Variants in LRRIQ3 observed in about 807,000 individuals in gnomAD.
LRRIQ3 encodes the protein leucine rich repeats and IQ motif containing 3.
In LRRIQ3, 75 loss-of-function variants were observed where a neutral mutation model predicts 59.3. That is an observed-to-expected ratio of 1.26 (90% CI 1.05 to 1.53). The LOEUF is 1.53. Among genes scored for constraint, LRRIQ3 ranks in the 40% most tolerant of loss-of-function variants. LRRIQ3 has a pLI of 0.00. For synonymous variants in LRRIQ3, 250 were observed against 231.3 expected (o/e 1.08, Z -0.73); for missense variants, 831 against 710.0 (o/e 1.17, Z -1.94).
chr1:74,058,014 T>C (rs559806831), intron 6 of LRRIQ3, among the ~76,000 whole-genome samples: 4 of 151,506 alleles, frequency 2.6e-5, no homozygotes, highest in African/African-American at 9.7e-5. Flanking sequence ...ATCAAAACAG[T>C]GAGATATTGC....
intron 4 of LRRIQ3, among the ~76,000 whole-genome samples, chr1:74,132,657 C>A (rs1396826170): frequency 1.3e-5 from 2 of 152,034 alleles, no homozygotes; most frequent in Non-Finnish European, 2.9e-5. Context: ...AACTGGCTAG[C>A]CATATGTAGA....
intron 4 of LRRIQ3, among the ~76,000 whole-genome samples, chr1:74,125,133 AATTTCTTGATTT>A (rs1646917128): frequency 6.6e-6 from 1 of 151,678 alleles, no homozygotes; most frequent in African/African-American, 2.4e-5. Context: ...TAATGGGATT[AATTTCTTGATTT>A]ATTTTTCAGA....
intron 6 of LRRIQ3, among the ~76,000 whole-genome samples, chr1:74,050,110 G>A (rs1365009791): frequency 6.6e-6 from 1 of 151,892 alleles, no homozygotes; most frequent in Non-Finnish European, 1.5e-5. Flanking sequence ...TTTTAGTAGA[G>A]ATGGGGTTTC....
chr1:74,079,085 T>C (rs973398735), intron 5 of LRRIQ3, among the ~76,000 whole-genome samples: 6 of 151,824 alleles, frequency 4.0e-5, no homozygotes, highest in African/African-American at 1.4e-4. Context: ...AAATGCCTCT[T>C]ATTGGACTCT....
chr1:74,075,945 A>G (rs1288781660), intron 5 of LRRIQ3, among the ~76,000 whole-genome samples: 1 of 152,142 alleles, frequency 6.6e-6, no homozygotes, highest in Non-Finnish European at 1.5e-5. Context: ...TATCTTAAGG[A>G]GCTTTTCCAG....
chr1:74,090,617 G>A (rs1405052287), intron 5 of LRRIQ3, among the ~76,000 whole-genome samples: 1 of 152,056 alleles, frequency 6.6e-6, no homozygotes. Context: ...GCCAGGCATG[G>A]TGGCTCACAT....
intron 3 of LRRIQ3, among the ~76,000 whole-genome samples, chr1:74,167,895 G>T (rs1649087719): frequency 6.6e-6 from 1 of 151,966 alleles, no homozygotes; most frequent in South Asian, 2.1e-4. Context: ...AGTGTTTGGA[G>T]ATTTTCCTCT....
chr1:74,098,399 T>C (rs905450635), intron 5 of LRRIQ3, among the ~76,000 whole-genome samples: 2 of 152,132 alleles, frequency 1.3e-5, no homozygotes, highest in African/African-American at 4.8e-5. Flanking sequence ...CCCAGATTCA[T>C]AAAGCAAGTC....
intron 3 of LRRIQ3, among the ~76,000 whole-genome samples, chr1:74,173,903 C>T (rs548107973): frequency 6.6e-6 from 1 of 151,884 alleles, no homozygotes; most frequent in Admixed American, 6.6e-5. Flanking sequence ...TTGGTTGTCA[C>T]GTTTTGGGTT....
chr1:74,027,570 C>G (rs145691147), intron 7 of LRRIQ3, among the ~76,000 whole-genome samples: 4 of 152,056 alleles, frequency 2.6e-5, no homozygotes, highest in Admixed American at 6.6e-5. Context: ...CCTGCTGACA[C>G]TTTGTTCTTG....
At chr1:74,184,219 G>C (rs1650207651) in intron 1 of LRRIQ3, among the ~76,000 whole-genome samples, 1 of 152,028 alleles carries the variant, frequency 6.6e-6, no homozygotes, top group Admixed American at 6.6e-5. Context: ...AAAATTTGTT[G>C]TCAAAATATT....
At chr1:74,188,382 T>C (rs1381985917) in intron 1 of LRRIQ3, among the ~76,000 whole-genome samples, 1 of 152,132 alleles carries the variant, frequency 6.6e-6, no homozygotes, top group Non-Finnish European at 1.5e-5. Flanking sequence ...AGATTACCTA[T>C]GTATCAAACC....
chr1:74,081,026 G>C (rs150554319), intron 5 of LRRIQ3, among the ~76,000 whole-genome samples: 15 of 151,570 alleles, frequency 9.9e-5, no homozygotes, highest in African/African-American at 3.4e-4. Context: ...ACTCTAAAAA[G>C]TTACTTAAAA....
intron 7 of LRRIQ3, among the ~76,000 whole-genome samples, chr1:74,028,779 A>C (rs563133279): frequency 6.6e-6 from 1 of 152,128 alleles, no homozygotes; most frequent in Admixed American, 6.6e-5. Context: ...ATAAACTAAC[A>C]CATTTAAAAT....
chr1:74,041,285 C>A lies in LRRIQ3; in HGVS notation c.1646G>T (p.Ser549Ile). ...TTTTAGTTTTTGCTTAACAATCAGG[C>A]TTTTCTCTTTTAGGACAGCCTCATT... ...EKNEAVLKEK[S>I]LIVKQKLKAE... Residue 549 changes from serine (S) to isoleucine (I), a missense_variant, in exon 7 of 8, where the codon AGC becomes ATC. Ser to Ile is a moderately radical substitution (Grantham distance 142). Transcript: ENST00000354431. The A allele has an allele frequency of 6.2e-7, 1 of 1,608,526 alleles. No individual in the cohort carries two copies. The highest frequency in any genetic ancestry group is 8.5e-7 in the Non-Finnish European group (1 of 1,178,684).
chr1:74,055,698 T>C (rs368073166), intron 6 of LRRIQ3, among the ~76,000 whole-genome samples: 9 of 152,164 alleles, frequency 5.9e-5, no homozygotes, highest in African/African-American at 2.2e-4. Flanking sequence ...TGTGGACATA[T>C]GTTTATGATT....
chr1:74,073,068 T>C (rs1265014810), intron 6 of LRRIQ3, among the ~76,000 whole-genome samples: 1 of 152,128 alleles, frequency 6.6e-6, no homozygotes, highest in Non-Finnish European at 1.5e-5. Context: ...AAGTGTTAAA[T>C]ATTATCAATG....
chr1:74,146,344 G>A (rs184910252), intron 4 of LRRIQ3, among the ~76,000 whole-genome samples: 115 of 152,132 alleles, frequency 7.6e-4, no homozygotes, highest in African/African-American at 2.6e-3. Flanking sequence ...TCCATGATAT[G>A]CCACTATATA....
chr1:74,068,660 A>G (rs781217554), intron 6 of LRRIQ3, among the ~76,000 whole-genome samples: 5 of 152,022 alleles, frequency 3.3e-5, no homozygotes, highest in Non-Finnish European at 7.4e-5. Context: ...AACAAAATAC[A>G]TTTTTGGTTT....
Sources: gnomAD v4.1 joint callset for allele counts (sites outside exome capture counted in the v4.1 genomes callset) on GRCh38, gnomAD v4.1.1 for gene constraint, MANE v1.5 for transcripts, NCBI Gene and HGNC (gene_info 2026-07-23, HGNC 2026-07-21) for gene names.